Variants in NEB observed in about 807,000 individuals in gnomAD.
NEB encodes the protein nemaline myopathy type 2.
Under a neutral mutation model 952.2 loss-of-function variants are expected in NEB, and 512 were observed. That is an observed-to-expected ratio of 0.54 (90% confidence interval 0.50 to 0.58). The LOEUF (loss-of-function observed/expected upper bound fraction) is 0.58. Ranked by LOEUF, NEB falls within the 20% of genes least tolerant of loss-of-function variation. The probability of loss-of-function intolerance (pLI) is 0.00; values close to 1 mark genes in which losing one functional copy is unlikely to be tolerated. For synonymous variants in NEB, 2,900 were observed against 3,149.8 expected, an observed-to-expected ratio of 0.92 and a Z score of 2.66; for missense variants, 8,428 against 9,231.1, an observed-to-expected ratio of 0.91 and a Z score of 3.56.
At chr2:151,542,058 G>A (rs6735678) in intron 135 of NEB, among the ~76,000 whole-genome samples, 98,328 of 152,022 alleles carry the variant, frequency 0.65, 32,103 homozygotes, top group East Asian at 0.78. Flanking sequence ...ACCCACATCA[G>A]TGAAGTCACA....
Position 151,570,480 on chromosome 2 carries a change from TA to T in NEB, c.17118+16del. 2 of 1,583,744 alleles carry T rather than the reference TA, an allele frequency of 1.3e-6. No individual in the cohort carries two copies. Among genetic ancestry groups the T allele is most frequent in the East Asian group, 2.2e-5 (1 of 44,560 alleles). On this transcript the variant is annotated intron_variant, in intron 108 of 181. Transcript: ENST00000397345. ...GGCTGAAAAAAAAAAACTGAGAAGT[TA>T]AAAAAGGCCACTCACGTCACTGGCA...
At chr2:151,730,301 G>A (rs181283540) in intron 3 of NEB, among the ~76,000 whole-genome samples, 2 of 152,234 alleles carry the variant, frequency 1.3e-5, no homozygotes, top group Admixed American at 6.5e-5. Flanking sequence ...AGGGGAAAAT[G>A]AGAAGATTCT....
intron 3 of NEB, among the ~76,000 whole-genome samples, chr2:151,730,004 G>A (rs1369609038): frequency 6.6e-6 from 1 of 152,142 alleles, no homozygotes; most frequent in Non-Finnish European, 1.5e-5. Flanking sequence ...AATACAATAA[G>A]AAGATCCTGA....
intron 117 of NEB, among the ~76,000 whole-genome samples, chr2:151,564,568 A>C (rs1412147825): frequency 6.6e-6 from 1 of 152,178 alleles, no homozygotes; most frequent in African/African-American, 2.4e-5. Flanking sequence ...GCACACATGT[A>C]CACTATTGGT....
intron 127 of NEB, 69 bp downstream of exon 127, chr2:151,553,329 T>C (rs935346346): frequency 7.7e-7 from 1 of 1,298,968 alleles, no homozygotes; most frequent in African/African-American, 1.5e-5. Context: ...CTATTTTACA[T>C]AACCTCCTCT....
rs767404419 is a variant in NEB at position 151,503,441 on chromosome 2, C to A, written c.23743G>T (p.Val7915Phe). The A allele has an allele frequency of 1.9e-6, 3 of 1,595,566 alleles. No homozygotes were observed. In the East Asian group the frequency reaches 6.7e-5, roughly 36 times the overall value. ...VKETQKHISS[V>F]MYKENLGTGI... ...GTTCCCAAGTTTTCTTTGTACATAA[C>A]CTGTAGAAAATAATTAGAATACCCA... Residue 7915 changes from valine (V) to phenylalanine (F), a missense_variant and splice_region_variant, in exon 166 of 182, where the codon GTT becomes TTT. Val to Phe is a conservative substitution (Grantham distance 50). Transcript: ENST00000397345.
intron 173 of NEB, 96 bp downstream of exon 173, chr2:151,496,175 TTTAAG>T (rs1032365398): frequency 2.3e-6 from 3 of 1,309,404 alleles, no homozygotes; most frequent in Non-Finnish European, 3.2e-6. Context: ...TTTCACAAAA[TTTAAG>T]TTGTCTTTAA....
intron 28 of NEB, among the ~76,000 whole-genome samples, chr2:151,683,062 G>A (rs148501384): frequency 3.3e-5 from 5 of 152,308 alleles, no homozygotes; most frequent in African/African-American, 1.2e-4. Context: ...ACTTCAAAGA[G>A]TAAGTGAAAT....
intron 111 of NEB, 23 bp from the exon 112 acceptor site, chr2:151,568,440 C>A (rs758104006): frequency 1.6e-5 from 25 of 1,523,348 alleles, no homozygotes; most frequent in African/African-American, 2.8e-5. Flanking sequence ...AAATGAGAGG[C>A]AAGGGGGCAA....
chr2:151,727,073 T>G (rs1026820725), intron 5 of NEB, among the ~76,000 whole-genome samples: 1 of 150,446 alleles, frequency 6.6e-6, no homozygotes, highest in African/African-American at 2.4e-5. Flanking sequence ...AAAAAAAACC[T>G]TTCTGCACAG....
At position 151,518,970 on chromosome 2, in the gene NEB, T is replaced by G; in HGVS notation, c.22690A>C (p.Ser7564Arg). The G allele has an allele frequency of 1.2e-6, 2 of 1,608,738 alleles. No individual in the cohort carries two copies. The highest frequency in any genetic ancestry group is 1.7e-6 in the Non-Finnish European group (2 of 1,175,156). The change falls in exon 155 of 182, where the codon AGT becomes CGT. Residue 7564 changes from serine (S) to arginine (R), a missense_variant. By Grantham distance (110) the Ser-to-Arg change is moderately radical (BLOSUM62 -1). Transcript: ENST00000397345. ...NHVLNTSQLA[S>R]SYQYKKKYEK... Reference sequence around the variant, plus strand: ...GAGCAAATGACTGAGCTTACAGAACTGGCAAGTTGGCTTGTATTCAGGACA... The same window carrying G: ...GAGCAAATGACTGAGCTTACAGAACGGGCAAGTTGGCTTGTATTCAGGACA...
chr2:151,729,535 GC>G (rs2099800639), intron 4 of NEB, 79 bp downstream of exon 4: 5 of 1,487,664 alleles, frequency 3.4e-6, no homozygotes, highest in Non-Finnish European at 4.7e-6. Flanking sequence ...CATCTTTGTG[GC>G]CCTGGGAGTC....
At chr2:151,668,506 A>G (rs940587279) in intron 39 of NEB, among the ~76,000 whole-genome samples, 3 of 152,154 alleles carry the variant, frequency 2.0e-5, no homozygotes, top group Non-Finnish European at 4.4e-5. Context: ...TCCAAGTTTT[A>G]TTATGTTTTT....
chr2:151,611,730 T>C (rs560619586), intron 78 of NEB, among the ~76,000 whole-genome samples: 1 of 152,332 alleles, frequency 6.6e-6, no homozygotes, highest in East Asian at 1.9e-4. Context: ...TTCCATAACC[T>C]AATGTGGAGG....
chr2:151,629,101 G>C (rs1560652230), intron 68 of NEB, among the ~76,000 whole-genome samples: 1 of 152,144 alleles, frequency 6.6e-6, no homozygotes, highest in Non-Finnish European at 1.5e-5. Flanking sequence ...CAAAAACACA[G>C]AGCAGATTTG....
intron 142 of NEB, among the ~76,000 whole-genome samples, chr2:151,535,158 G>A (rs2092850510): frequency 6.6e-6 from 1 of 152,136 alleles, no homozygotes; most frequent in African/African-American, 2.4e-5. Context: ...GGATAAAATA[G>A]AAAGAAAAAA....
At chr2:151,521,711 C>T (rs573300250) in intron 153 of NEB, among the ~76,000 whole-genome samples, 6 of 152,320 alleles carry the variant, frequency 3.9e-5, no homozygotes, top group Admixed American at 6.5e-5. Flanking sequence ...ATTGATTCCA[C>T]TTCAGTTTCT....
At chr2:151,536,805 T>C (rs1014452647) in intron 141 of NEB, among the ~76,000 whole-genome samples, 3 of 152,190 alleles carry the variant, frequency 2.0e-5, no homozygotes, top group Non-Finnish European at 4.4e-5. Context: ...TATTTGTGGA[T>C]TAAAATAATC....
chr2:151,627,617 T>C lies in NEB; in HGVS notation c.10049A>G (p.Asp3350Gly). 6.2e-7 allele frequency: 1 copy of C among 1,614,020 alleles called. No individual in the cohort carries two copies. The highest frequency in any genetic ancestry group is 1.1e-5 in the South Asian group (1 of 91,084). Residue 3350 changes from aspartate to glycine, a missense_variant, in exon 69 of 182, where the codon GAT (aspartate) becomes GGT (glycine). Asp to Gly is a moderately conservative substitution (Grantham distance 94). Coordinates refer to ENST00000397345, the MANE Select transcript of NEB (RefSeq NM_001164508.2). ...LAKKCQTLVS[D>G]VDYKNYLHEW... ...GTGCAGGTAGTTCTTGTAGTCCACATCGCTGACTAAGGTCTGGCACTTCTT... is the reference window on the plus strand; with the variant it reads ...GTGCAGGTAGTTCTTGTAGTCCACACCGCTGACTAAGGTCTGGCACTTCTT...
Sources: gnomAD v4.1 joint callset for allele counts (sites outside exome capture counted in the v4.1 genomes callset) on GRCh38, gnomAD v4.1.1 for gene constraint, MANE v1.5 for transcripts, NCBI Gene and HGNC (gene_info 2026-07-23, HGNC 2026-07-21) for gene names.